The following LARGE1 variants were observed in gnomAD, a reference collection of about 807,000 sequenced individuals.
LARGE1 encodes xylosyl- and glucuronyltransferase LARGE1.
LARGE1 carries 43 observed loss-of-function variants against 87.6 expected under a neutral mutation model. That is an observed-to-expected ratio of 0.49 (90% CI 0.38 to 0.63). LARGE1 has a LOEUF of 0.63. Among genes scored for constraint, LARGE1 ranks in the 30% least tolerant of loss-of-function variants. The pLI, the probability that LARGE1 is intolerant of heterozygous loss-of-function variation, is 0.00. For synonymous variants in LARGE1, 434 were observed against 394.6 expected, an observed-to-expected ratio of 1.10 and a Z score of -1.18; for missense variants, 802 against 1,000.2, an observed-to-expected ratio of 0.80 and a Z score of 2.67.
chr22:33,677,451 C>T (rs2081617806), intron 2 of LARGE1, among the ~76,000 whole-genome samples: 1 of 152,114 alleles, frequency 6.6e-6, no homozygotes, highest in Non-Finnish European at 1.5e-5. Flanking sequence ...GTTATCTCTC[C>T]ATATTTATCT....
chr22:33,746,119 G>C (rs768384037), intron 2 of LARGE1, among the ~76,000 whole-genome samples: 4 of 152,230 alleles, frequency 2.6e-5, no homozygotes, highest in African/African-American at 9.6e-5. Context: ...GCATGCGCCT[G>C]TAGTCCCAGC....
rs535368082 is a variant in LARGE1 at position 33,542,413 on chromosome 22, G to A, written c.787+22435C>T. On this transcript the variant is annotated intron_variant, in intron 6 of 14. Transcript: ENST00000397394. ...CCTGCCTTGGACAGTGTTTCATGCC[G>A]GATATAAACTCAGTGACTCAAGTCC... Among the ~76,000 whole-genome samples the A allele has an allele frequency of 2.6e-5, 4 of 151,930 alleles. No individual in the cohort carries two copies. In the South Asian group the frequency reaches 6.3e-4, roughly 24 times the overall value.
the LARGE1 span, among the ~76,000 whole-genome samples, chr22:33,124,800 G>C: frequency 6.6e-6 from 1 of 152,136 alleles, no homozygotes; most frequent in Admixed American, 6.5e-5. Context: ...CCAGAAGTTC[G>C]AGACCAGCCT....
At chr22:33,804,185 C>T (rs1233748150) in intron 1 of LARGE1, among the ~76,000 whole-genome samples, 1 of 152,182 alleles carries the variant, frequency 6.6e-6, no homozygotes, top group Non-Finnish European at 1.5e-5. Context: ...GTCAGTGATT[C>T]CACTAATGCT....
chr22:33,398,005 C>T (rs1039533369), intron 7 of LARGE1, among the ~76,000 whole-genome samples: 15 of 152,020 alleles, frequency 9.9e-5, no homozygotes, highest in African/African-American at 3.6e-4. Context: ...CTTTTTCTTA[C>T]TGGTTTGGAC....
chr22:33,904,098 A>T (rs1442703389), intron 1 of LARGE1, among the ~76,000 whole-genome samples: 1 of 151,976 alleles, frequency 6.6e-6, no homozygotes, highest in African/African-American at 2.4e-5. Flanking sequence ...CTCCTTCCCC[A>T]CTCTTCAAGC....
intron 11 of LARGE1, among the ~76,000 whole-genome samples, chr22:33,180,643 C>T (rs376055104): frequency 2.6e-5 from 4 of 152,186 alleles, no homozygotes; most frequent in Admixed American, 6.5e-5. Flanking sequence ...CAGCATTATT[C>T]GTAACAGCCA....
rs895920910 is a variant in LARGE1, at chr22:33,774,131, A to G, written c.-82-12573T>C. Reference sequence around the variant, plus strand: ...AACTCCTCCAAACACATTATTCAATATGCTACTGCTCTTCTTGAAGGGACC... The same window carrying G: ...AACTCCTCCAAACACATTATTCAATGTGCTACTGCTCTTCTTGAAGGGACC... On this transcript the variant is annotated intron_variant, in intron 1 of 14. Transcript: ENST00000397394. 4.6e-5 allele frequency among the ~76,000 whole-genome samples: 7 copies of G among 152,168 alleles called. No individual in the cohort carries two copies. The East Asian group carries it at 1.2e-3, about 25-fold the overall frequency.
intron 6 of LARGE1, among the ~76,000 whole-genome samples, chr22:33,545,067 G>A (rs561755809): frequency 7.6e-4 from 115 of 152,248 alleles, no homozygotes; most frequent in African/African-American, 2.6e-3. Flanking sequence ...GAGGAAGCAC[G>A]TGTTATAGTG....
chr22:33,298,410 C>G (rs1248741371), intron 12 of LARGE1, among the ~76,000 whole-genome samples: 1 of 152,234 alleles, frequency 6.6e-6, no homozygotes, highest in Non-Finnish European at 1.5e-5. Context: ...TAGCTCTTAT[C>G]TTCTCAGTTC....
chr22:33,870,317 T>A (rs932953636), intron 1 of LARGE1, among the ~76,000 whole-genome samples: 2 of 152,168 alleles, frequency 1.3e-5, no homozygotes, highest in African/African-American at 4.8e-5. Context: ...CATTATTGTC[T>A]CATTTCTGTT....
At chr22:33,121,675 T>C in the LARGE1 span, among the ~76,000 whole-genome samples, 1 of 152,194 alleles carries the variant, frequency 6.6e-6, no homozygotes, top group Non-Finnish European at 1.5e-5. Context: ...TGTGGGGAGA[T>C]ACCCAGTACC....
chr22:33,537,288 C>T (rs918348092), intron 6 of LARGE1, among the ~76,000 whole-genome samples: 3 of 152,212 alleles, frequency 2.0e-5, no homozygotes, highest in Admixed American at 2.0e-4. Context: ...CCTGCGGAGG[C>T]TCTGGGGAGA....
chr22:33,533,214 G>A (rs866278152), intron 6 of LARGE1, among the ~76,000 whole-genome samples: 2 of 152,112 alleles, frequency 1.3e-5, no homozygotes, highest in South Asian at 2.1e-4. Flanking sequence ...AAAGACAAGT[G>A]TTGTTCGGCT....
At chr22:33,067,383 C>T in the LARGE1 span, among the ~76,000 whole-genome samples, 3 of 151,940 alleles carry the variant, frequency 2.0e-5, no homozygotes, top group African/African-American at 4.8e-5. Flanking sequence ...GGTTCAAATC[C>T]CAGCTTTACC....
At chr22:33,888,446 C>A (rs766362394) in intron 1 of LARGE1, among the ~76,000 whole-genome samples, 4 of 152,088 alleles carry the variant, frequency 2.6e-5, no homozygotes, top group African/African-American at 7.2e-5. Flanking sequence ...AAATGATGTG[C>A]ACGTGGTGGA....
intron 5 of LARGE1, among the ~76,000 whole-genome samples, chr22:33,596,519 A>G (rs2078979681): frequency 6.6e-6 from 1 of 152,224 alleles, no homozygotes; most frequent in African/African-American, 2.4e-5. Context: ...TAATTTTTCC[A>G]GACCTGCGCA....
At chr22:33,661,418 T>G (rs1351508368) in intron 2 of LARGE1, among the ~76,000 whole-genome samples, 1 of 152,126 alleles carries the variant, frequency 6.6e-6, no homozygotes. Flanking sequence ...TTCACCATGT[T>G]GGCCAGCCTG....
intron 12 of LARGE1, among the ~76,000 whole-genome samples, chr22:33,284,678 A>G (rs537469453): frequency 6.6e-6 from 1 of 152,210 alleles, no homozygotes; most frequent in South Asian, 2.1e-4. Context: ...CCCGGGTTCA[A>G]GCGATTCTCC....
Sources: gnomAD v4.1 joint callset for allele counts (sites outside exome capture counted in the v4.1 genomes callset) on GRCh38, gnomAD v4.1.1 for gene constraint, MANE v1.5 for transcripts, NCBI Gene and HGNC (gene_info 2026-07-23, HGNC 2026-07-21) for gene names.